Variants in UGT1A3 observed in about 807,000 individuals in gnomAD.
The protein encoded by UGT1A3 is UDP-glucuronosyltransferase 1A3.
UGT1A3 carries 31 observed loss-of-function variants against 41.0 expected under a neutral mutation model. That is an observed-to-expected ratio of 0.76 (90% CI 0.57 to 1.02). The LOEUF is 1.02. Ranked by LOEUF, UGT1A3 falls within the 50% of genes least tolerant of loss-of-function variation. The pLI is 0.00. For synonymous variants in UGT1A3, 262 were observed against 257.6 expected (o/e 1.02, Z -0.17); for missense variants, 737 against 671.0 (o/e 1.10, Z -1.09).
chr2:233,756,958 C>A (rs1696367405), intron 1 of UGT1A3, among the ~76,000 whole-genome samples: 1 of 151,964 alleles, frequency 6.6e-6, no homozygotes, highest in Non-Finnish European at 1.5e-5. Context: ...GGACTTGGCA[C>A]TTGGTAAGCA....
Position 233,729,915 on chromosome 2 carries a change from G to A in UGT1A3, c.789G>A (p.Met263Ile). The A allele has an allele frequency of 1.9e-6, 3 of 1,613,956 alleles. No homozygotes were observed. Among genetic ancestry groups the A allele is most frequent in the Middle Eastern group, 3.3e-4 (2 of 6,058 alleles). ...GGCTGTTCCGAGGGGACTTTGTGAT[G>A]GACTACCCCAGGCCAATCATGCCCA... ...SVWLFRGDFV[M>I]DYPRPIMPNM... The change falls in exon 1 of 5, where the codon ATG (methionine) becomes ATA (isoleucine). Residue 263 changes from methionine (M) to isoleucine (I), a missense_variant. Met to Ile is a conservative substitution (Grantham distance 10, BLOSUM62 1). Transcript: ENST00000482026.
chr2:233,761,233 T>G, intron 1 of UGT1A3: 1 of 1,613,114 alleles, frequency 6.2e-7, no homozygotes, highest in South Asian at 1.1e-5. Flanking sequence ...CCCAGATATA[T>G]GCTGAGCAAG....
Position 233,772,730 on chromosome 2 carries a change from C to A in UGT1A3, c.*171C>A. Reference sequence around the variant, plus strand: ...CTCTTAAATAAAAATAATAGACTCGCTAGTCAGTAAAGATATTTGAATATG... The same window carrying A: ...CTCTTAAATAAAAATAATAGACTCGATAGTCAGTAAAGATATTTGAATATG... On this transcript the variant is annotated 3_prime_UTR_variant, in exon 5 of 5. Transcript: ENST00000482026. 1 of 1,445,162 alleles carries A rather than the reference C, an allele frequency of 6.9e-7. No homozygotes were observed. The highest frequency in any genetic ancestry group is 9.1e-7 in the Non-Finnish European group (1 of 1,100,576). The allele number at this position is 1,445,162 out of a possible 1,614,324, so 89.5% of individuals were successfully genotyped here.
At chr2:233,737,920 A>AT (rs1189793368) in intron 1 of UGT1A3, among the ~76,000 whole-genome samples, 1 of 152,076 alleles carries the variant, frequency 6.6e-6, no homozygotes, top group Non-Finnish European at 1.5e-5. Context: ...AGGCTAGTGT[A>AT]TTTAGTAGTG....
At position 233,747,675 on chromosome 2, in the gene UGT1A3, T is replaced by A. The variant is rs1693747728; in HGVS notation, c.867+17682T>A. On this transcript the variant is annotated intron_variant, in intron 1 of 4. Transcript: ENST00000482026. ...CGATGTGGTTTTAATAGACCCAATTTACCTCTGTGGGGCAGTGCTGGCTAA... is the reference window on the plus strand; with the variant it reads ...CGATGTGGTTTTAATAGACCCAATTAACCTCTGTGGGGCAGTGCTGGCTAA... The A allele has an allele frequency of 8.1e-6, 13 of 1,605,742 alleles. No homozygotes were observed. The South Asian group carries it at 1.4e-4, about 18-fold the overall frequency.
chr2:233,768,138 G>A, intron 3 of UGT1A3, 82 bp from the exon 4 acceptor site: 1 of 1,609,178 alleles, frequency 6.2e-7, no homozygotes, highest in Non-Finnish European at 8.5e-7. Context: ...CTGAGTCTTT[G>A]GAGTGTTTTC....
rs556800643 is a variant in UGT1A3 at position 233,745,736 on chromosome 2, G to A, written c.867+15743G>A. 8.6e-5 allele frequency among the ~76,000 whole-genome samples: 13 copies of A among 150,680 alleles called. No individual in the cohort carries two copies. The South Asian group carries it at 2.5e-3, about 29-fold the overall frequency. ...GAATGGCTGGAGGGTAAGAGGCAGA[G>A]GGAGGGGGCAAGCAGAAGGGGTGGA... On this transcript the variant is annotated intron_variant, in intron 1 of 4. Coordinates refer to ENST00000482026, the MANE Select transcript of UGT1A3 (RefSeq NM_019093.4).
Position 233,729,448 on chromosome 2 carries a change from A to G in UGT1A3, c.322A>G (p.Lys108Glu), listed in dbSNP as rs1363906847. The G allele has an allele frequency of 6.2e-7, 1 of 1,614,064 alleles. No individual in the cohort carries two copies. The highest frequency in any genetic ancestry group is 1.1e-5 in the South Asian group (1 of 91,060). ...QLYFETEHFL[K>E]KFFRSMAMLN... ...GTACTTTGAAACAGAACATTTTCTG[A>G]AGAAATTTTTCAGAAGTATGGCAAT... The change falls in exon 1 of 5, where the codon AAG becomes GAG. Residue 108 changes from lysine to glutamate, a missense_variant. Coordinates refer to ENST00000482026, the MANE Select transcript of UGT1A3 (RefSeq NM_019093.4).
intron 1 of UGT1A3, chr2:233,747,471 G>A (rs1218539477): frequency 1.9e-5 from 31 of 1,608,712 alleles, no homozygotes; most frequent in Non-Finnish European, 2.4e-5. Context: ...ATGGACCCAG[G>A]ATGAATTTGA....
intron 1 of UGT1A3, among the ~76,000 whole-genome samples, chr2:233,735,822 A>G (rs1482941738): frequency 6.6e-6 from 1 of 152,164 alleles, no homozygotes. Flanking sequence ...TTCTTTAAGA[A>G]TGTTGAATAT....
At chr2:233,731,491 G>A (rs1443900018) in intron 1 of UGT1A3, among the ~76,000 whole-genome samples, 2 of 152,026 alleles carry the variant, frequency 1.3e-5, no homozygotes, top group Non-Finnish European at 2.9e-5. Flanking sequence ...TGTGTCCAGT[G>A]TTCTTGCTGT....
intron 1 of UGT1A3, among the ~76,000 whole-genome samples, chr2:233,761,761 G>A (rs990120638): frequency 6.6e-6 from 1 of 152,174 alleles, no homozygotes; most frequent in African/African-American, 2.4e-5. Flanking sequence ...TATGCAAAAA[G>A]TAGCATTCAC....
chr2:233,755,003 C>T (rs10929301), intron 1 of UGT1A3: 15 of 1,287,722 alleles, frequency 1.2e-5, no homozygotes, highest in Non-Finnish European at 1.6e-5. Flanking sequence ...AGCTGAAGAC[C>T]TACTCGAAGG....
At chr2:233,764,334 G>A (rs1470444566) in intron 1 of UGT1A3, among the ~76,000 whole-genome samples, 1 of 152,188 alleles carries the variant, frequency 6.6e-6, no homozygotes, top group Non-Finnish European at 1.5e-5. Flanking sequence ...AGTAGGGGAT[G>A]GACTTCACCT....
chr2:233,771,766 C>T (rs1025155606), intron 4 of UGT1A3, among the ~76,000 whole-genome samples: 1 of 151,968 alleles, frequency 6.6e-6, no homozygotes, highest in African/African-American at 2.4e-5. Context: ...CTTCCTCCGT[C>T]CCTCTCTCCT....
chr2:233,760,393 G>A lies in UGT1A3; in HGVS notation c.868-6641G>A, dbSNP rs1697429657. The A allele has an allele frequency of 4.3e-6, 7 of 1,614,206 alleles. No homozygotes were observed. In the South Asian group the frequency reaches 5.5e-5, roughly 13 times the overall value. On this transcript the variant is annotated intron_variant, in intron 1 of 4. Transcript: ENST00000482026. The stretch of plus-strand genomic sequence containing the variant: ...TGGGAAGATACTGTTGATCCCAGTG[G>A]ATGGCAGCCACTGGCTGAGCATGCT...
intron 1 of UGT1A3, among the ~76,000 whole-genome samples, chr2:233,750,112 A>G (rs965071088): frequency 7.2e-5 from 11 of 151,944 alleles, no homozygotes; most frequent in Middle Eastern, 3.2e-3. Flanking sequence ...AGAAGAAGAC[A>G]GGAAGATGTG....
chr2:233,747,595 G>A lies in UGT1A3; in HGVS notation c.867+17602G>A, dbSNP rs188498977. 1.9e-6 allele frequency: 3 copies of A among 1,576,476 alleles called. 1 individual carries two copies. In the African/African-American group the frequency reaches 4.1e-5, roughly 21 times the overall value. ...TCATCTTTGGTCTTTCATAGGTCTT[G>A]TGTGGAGCTACTGCATAATGAGGCC... On this transcript the variant is annotated intron_variant, in intron 1 of 4. Coordinates refer to ENST00000482026, the MANE Select transcript of UGT1A3 (RefSeq NM_019093.4).
At chr2:233,761,090 T>A in intron 1 of UGT1A3, 1 of 1,614,218 alleles carries the variant, frequency 6.2e-7, no homozygotes, top group Admixed American at 1.7e-5. Flanking sequence ...CCTAGGCCCA[T>A]CATGCCCAAT....
Sources: allele counts gnomAD v4.1 joint callset (sites outside exome capture counted in the v4.1 genomes callset), GRCh38; gene constraint gnomAD v4.1.1; transcripts MANE v1.5; gene names NCBI Gene and HGNC (gene_info 2026-07-23, HGNC 2026-07-21).